The following PAIP2 variants were observed in gnomAD, a reference collection of about 807,000 sequenced individuals.
The protein encoded by PAIP2 is poly(A) binding protein interacting protein 2, also known as polyadenylate-binding protein-interacting protein 2.
PAIP2 carries 7 observed loss-of-function variants against 14.8 expected under a neutral mutation model. The observed-to-expected ratio is 0.47, with a 90% CI of 0.27 to 0.89. The LOEUF is 0.89. Ranked by LOEUF, PAIP2 falls within the 40% of genes least tolerant of loss-of-function variation. The pLI, the probability that PAIP2 is intolerant of heterozygous loss-of-function variation, is 0.13. For missense variants in PAIP2, 122 were observed against 154.7 expected (o/e 0.79, Z 1.12); for synonymous variants, 47 against 45.3 (o/e 1.04, Z -0.15).
At chr5:139,355,330 C>T (rs1004362646) in intron 1 of PAIP2, among the ~76,000 whole-genome samples, 2 of 151,422 alleles carry the variant, frequency 1.3e-5, no homozygotes, top group Non-Finnish European at 1.5e-5. Context: ...CCCCCATGCC[C>T]AGCTAAATTT....
chr5:139,348,389 C>G (rs958164841), intron 1 of PAIP2, among the ~76,000 whole-genome samples: 6 of 150,282 alleles, frequency 4.0e-5, no homozygotes, highest in Non-Finnish European at 5.9e-5. Context: ...GAGTCTCACT[C>G]TGTCGCCCAA....
intron 1 of PAIP2, among the ~76,000 whole-genome samples, chr5:139,348,145 CAA>C (rs56677878): frequency 5.2e-4 from 36 of 69,632 alleles, no homozygotes; most frequent in African/African-American, 7.9e-4. Flanking sequence ...GACTCCATGT[CAA>C]AAAAAAAAAA....
chr5:139,352,502 G>GTTTTTTTTTTTTTTTTTTTTTTTTTTT (rs536704901), intron 1 of PAIP2, among the ~76,000 whole-genome samples: 46 of 76,174 alleles, frequency 6.0e-4, no homozygotes, highest in Non-Finnish European at 7.7e-4. Context: ...TTTTTTTGTT[G>GTTTTTTTTTTTTTTTTTTTTTTTTTTT]TTTTTTTTTT....
chr5:139,356,390 G>A (rs987862508), intron 1 of PAIP2, among the ~76,000 whole-genome samples: 2 of 151,984 alleles, frequency 1.3e-5, no homozygotes, highest in Middle Eastern at 3.4e-3. Flanking sequence ...AGGTTGCAGT[G>A]AGCCAAGATC....
chr5:139,358,392 G>A (rs1756979748), intron 1 of PAIP2, among the ~76,000 whole-genome samples: 3 of 152,186 alleles, frequency 2.0e-5, no homozygotes, highest in Admixed American at 2.0e-4. Flanking sequence ...TTACTTTTGG[G>A]AAAAGGATTG....
intron 1 of PAIP2, among the ~76,000 whole-genome samples, chr5:139,350,822 C>T (rs547113570): frequency 8.6e-5 from 13 of 151,980 alleles, no homozygotes; most frequent in Admixed American, 3.9e-4. Context: ...TATAGAAATA[C>T]ACAATTACAG....
chr5:139,359,448 G>A (rs1364781045), intron 1 of PAIP2, among the ~76,000 whole-genome samples: 2 of 151,852 alleles, frequency 1.3e-5, no homozygotes, highest in Admixed American at 1.3e-4. Flanking sequence ...GTGAAAAGTA[G>A]GATTTTATGG....
intron 1 of PAIP2, among the ~76,000 whole-genome samples, chr5:139,344,431 T>C (rs534633638): frequency 3.3e-5 from 5 of 152,336 alleles, no homozygotes; most frequent in East Asian, 1.9e-4. Flanking sequence ...GCATTTGATA[T>C]AGGCTAAGGT....
intron 1 of PAIP2, chr5:139,343,464 T>C (rs1371027913): frequency 2.0e-5 from 3 of 152,192 alleles, no homozygotes; most frequent in Non-Finnish European, 4.4e-5. Context: ...TTTCCTTAAA[T>C]AAGCACTCTG....
chr5:139,359,078 G>A (rs555916695), intron 1 of PAIP2, among the ~76,000 whole-genome samples: 4 of 152,082 alleles, frequency 2.6e-5, no homozygotes, highest in Non-Finnish European at 5.9e-5. Context: ...GGGCTAATAT[G>A]ATCTTCCCAC....
intron 1 of PAIP2, among the ~76,000 whole-genome samples, chr5:139,353,269 C>G (rs1335161197): frequency 6.6e-6 from 1 of 152,050 alleles, no homozygotes; most frequent in Non-Finnish European, 1.5e-5. Flanking sequence ...TTAGGGCCTT[C>G]TTTTGTGTTT....
At chr5:139,353,678 T>C (rs1454212023) in intron 1 of PAIP2, among the ~76,000 whole-genome samples, 5 of 152,100 alleles carry the variant, frequency 3.3e-5, no homozygotes, top group Admixed American at 2.6e-4. Context: ...ACATTGTATG[T>C]CCATTAACAT....
At position 139,357,981 on chromosome 5, in the gene PAIP2, GT is replaced by G. The variant is rs911390985; in HGVS notation, c.-26-5768del. ...GTGTTTTACCAGAATTGAACTGTTG[GT>G]TTTTTTTTTCTTAAGCATTCCTCTG... On this transcript the variant is annotated intron_variant, in intron 1 of 3. Coordinates refer to ENST00000265192, the MANE Select transcript of PAIP2 (RefSeq NM_016480.5). 6.2e-3 allele frequency among the ~76,000 whole-genome samples: 931 copies of G among 150,428 alleles called. 8 individuals are homozygous for G. The highest frequency in any genetic ancestry group is 0.021 in the African/African-American group (883 of 41,138).
chr5:139,346,448 A>G (rs555698734), intron 1 of PAIP2, among the ~76,000 whole-genome samples: 1 of 151,948 alleles, frequency 6.6e-6, no homozygotes, highest in African/African-American at 2.4e-5. Flanking sequence ...CATGTTGGCC[A>G]GGATGGTCTC....
rs1302077993 is a variant in PAIP2 at position 139,362,638 on chromosome 5, G to A, written c.-26-1121G>A. On this transcript the variant is annotated intron_variant, in intron 1 of 3. Transcript: ENST00000265192. ...TTGATCAGGCTGGTCTTGAACTCTC[G>A]ACCTCAGGTGATCCACCTGCCTCGG... Among the ~76,000 whole-genome samples the A allele has an allele frequency of 4.0e-5, 6 of 151,630 alleles. 1 individual carries two copies. The highest frequency in any genetic ancestry group is 2.4e-5 in the African/African-American group (1 of 41,244).
intron 1 of PAIP2, among the ~76,000 whole-genome samples, chr5:139,362,217 G>T (rs968184333): frequency 1.4e-5 from 2 of 147,790 alleles, no homozygotes; most frequent in East Asian, 1.9e-4. Context: ...TTTGGTTTTT[G>T]TTGTTGTTGT....
chr5:139,367,000 C>CAGTG (rs1326331100), intron 3 of PAIP2, among the ~76,000 whole-genome samples: 2 of 152,158 alleles, frequency 1.3e-5, no homozygotes, highest in Non-Finnish European at 1.5e-5. Context: ...GCCGATGCTG[C>CAGTG]AGTGAGCTGT....
intron 1 of PAIP2, among the ~76,000 whole-genome samples, chr5:139,343,571 G>C (rs1197787243): frequency 6.6e-6 from 1 of 152,182 alleles, no homozygotes; most frequent in Non-Finnish European, 1.5e-5. Context: ...GGTTGATACT[G>C]TGGGAGATTA....
At chr5:139,367,600 T>C (rs1757340726) in intron 3 of PAIP2, 1 of 152,216 alleles carries the variant, frequency 6.6e-6, no homozygotes, top group Admixed American at 6.5e-5. Flanking sequence ...GTTCCCCATG[T>C]AGTTTTCTTT....
Sources: allele counts gnomAD v4.1 joint callset (sites outside exome capture counted in the v4.1 genomes callset), GRCh38; gene constraint gnomAD v4.1.1; transcripts MANE v1.5; gene names NCBI Gene and HGNC (gene_info 2026-07-23, HGNC 2026-07-21).